COL27A1: variants seen among roughly 807,000 people sequenced by gnomAD.
COL27A1 encodes the protein collagen alpha-1(XXVII) chain.
Under a neutral mutation model 251.3 loss-of-function variants are expected in COL27A1, and 106 were observed. The ratio of observed to expected loss-of-function variants is 0.42; its 90% CI spans 0.36 to 0.50. COL27A1 has a LOEUF of 0.50. Among genes scored for constraint, COL27A1 ranks in the 20% least tolerant of loss-of-function variants. The pLI is 0.00. For missense variants in COL27A1, 2,325 were observed against 2,522.8 expected, an observed-to-expected ratio of 0.92 and a Z score of 1.68; for synonymous variants, 1,000 against 986.3, an observed-to-expected ratio of 1.01 and a Z score of -0.26.
At chr9:114,240,561 T>G (rs1832691056) in intron 21 of COL27A1, 74 bp downstream of exon 21, 2 of 1,432,244 alleles carry the variant, frequency 1.4e-6, no homozygotes, top group Non-Finnish European at 1.9e-6. Flanking sequence ...TCCTGGGTAC[T>G]GAAGGCCTTA....
At chr9:114,275,622 T>C in intron 36 of COL27A1, 39 bp from the exon 37 acceptor site, 1 of 1,387,414 alleles carries the variant, frequency 7.2e-7, no homozygotes, top group Non-Finnish European at 9.9e-7. Context: ...AACTAACTTA[T>C]TCTCTCTCTC....
chr9:114,163,249 G>T (rs922669670), intron 2 of COL27A1, among the ~76,000 whole-genome samples: 4 of 151,732 alleles, frequency 2.6e-5, no homozygotes, highest in African/African-American at 9.7e-5. Flanking sequence ...AAAAAGAATC[G>T]CATTTGAAGT....
chr9:114,159,653 T>C (rs2567724), intron 1 of COL27A1, among the ~76,000 whole-genome samples: 30,127 of 152,184 alleles, frequency 0.2, 3,125 homozygotes, highest in Middle Eastern at 0.3. Context: ...TCCGAGCCTT[T>C]GATATACAGT....
intron 10 of COL27A1, chr9:114,209,428 C>T (rs371100600): frequency 6.1e-5 from 46 of 757,280 alleles, no homozygotes; most frequent in Non-Finnish European, 9.6e-5. Context: ...CGAGCGCCTG[C>T]GCCCTTCCCT....
chr9:114,289,249 C>T lies in COL27A1; in HGVS notation c.4160C>T (p.Pro1387Leu), dbSNP rs774926418. ...TCTCACCTTGGTTTGCAGGGGCATC[C>T]GGGACCCCGGGGGTGGCCGGGACCC... ...KPGQQGQPGH[P>L]GPRGWPGPKG... is the part of the protein sequence containing the mutation. The change falls in exon 45 of 61, where the codon CCG (proline) becomes CTG (leucine). Residue 1387 changes from proline (P) to leucine (L), a missense_variant. Physicochemically the swap from Pro to Leu is moderately conservative, Grantham distance 98. Around this residue, in one of 4 missense-constraint regions of COL27A1, gnomAD observed 662 missense variants for 795.3 expected, o/e 0.83. Transcript: ENST00000356083. 69 of 1,593,714 alleles carry T rather than the reference C, an allele frequency of 4.3e-5. No individual in the cohort carries two copies. The highest frequency in any genetic ancestry group is 5.0e-5 in the Non-Finnish European group (59 of 1,171,336).
At chr9:114,156,042 C>T (rs770427255) in intron 1 of COL27A1, 30 bp downstream of exon 1, 1 of 1,296,708 alleles carries the variant, frequency 7.7e-7, no homozygotes. Flanking sequence ...CGCCCCCTCC[C>T]TAGCTTCCTG....
intron 2 of COL27A1, among the ~76,000 whole-genome samples, chr9:114,166,959 A>G (rs1194408020): frequency 6.6e-6 from 1 of 152,138 alleles, no homozygotes; most frequent in East Asian, 1.9e-4. Context: ...CGGAAATGCC[A>G]TCACCCTTCT....
intron 14 of COL27A1, among the ~76,000 whole-genome samples, chr9:114,223,930 A>G (rs1831287576): frequency 6.6e-6 from 1 of 152,208 alleles, no homozygotes. Flanking sequence ...CACACGTGAT[A>G]TTTTACACCT....
intron 59 of COL27A1, 76 bp downstream of exon 59, chr9:114,307,854 A>T: frequency 1.9e-6 from 2 of 1,046,484 alleles, no homozygotes; most frequent in Non-Finnish European, 1.5e-6. Flanking sequence ...CAACCAACCC[A>T]GGTTCTGTTC....
chr9:114,243,838 T>C (rs975718584), intron 23 of COL27A1, among the ~76,000 whole-genome samples: 1 of 147,254 alleles, frequency 6.8e-6, no homozygotes, highest in African/African-American at 2.5e-5. Context: ...GGGGTGGGGG[T>C]GGTGGAGGAA....
chr9:114,236,686 A>G (rs1728537634), intron 17 of COL27A1, among the ~76,000 whole-genome samples: 1 of 152,128 alleles, frequency 6.6e-6, no homozygotes, highest in African/African-American at 2.4e-5. Flanking sequence ...CTGTCTCCAG[A>G]GTTCCCCAGG....
intron 4 of COL27A1, among the ~76,000 whole-genome samples, chr9:114,180,665 T>C (rs1827832243): frequency 6.6e-6 from 1 of 152,196 alleles, no homozygotes; most frequent in South Asian, 2.1e-4. Flanking sequence ...AAGCTCTCTG[T>C]CTTGCCCCTT....
Position 114,282,471 on chromosome 9 carries a change from T to C in COL27A1, c.3786T>C (p.Tyr1262=), listed in dbSNP as rs2787330. 0.81 allele frequency: 1,294,898 copies of C among 1,600,134 alleles called. 525,790 individuals are homozygous for C. Among genetic ancestry groups the C allele is most frequent in the East Asian group, 1 (44,401 of 44,426 alleles). Residue 1262 remains tyrosine, a synonymous_variant, in exon 39 of 61, where the codon TAT becomes TAC. Coordinates refer to ENST00000356083, the MANE Select transcript of COL27A1 (RefSeq NM_032888.4). ...TCCTGTTGCAGGGTGCCAAGGGCTA[T>C]CAAGGACAGCTGGGTGAGATGGGCG... is the stretch of plus-strand genomic sequence containing the variant. The part of the protein sequence containing the change: ...GRTGAKGAKG[Y]QGQLGEMGVP...
intron 33 of COL27A1, 76 bp downstream of exon 33, chr9:114,266,694 G>C: frequency 7.3e-7 from 1 of 1,375,306 alleles, no homozygotes; most frequent in Non-Finnish European, 1.0e-6. Flanking sequence ...TCCTCCCCAG[G>C]AGCCTCTTTC....
At chr9:114,215,280 A>T (rs530767214) in intron 12 of COL27A1, among the ~76,000 whole-genome samples, 1 of 152,362 alleles carries the variant, frequency 6.6e-6, no homozygotes, top group East Asian at 1.9e-4. Context: ...TTCTCAGATT[A>T]CAGGCAGCAA....
At chr9:114,239,668 G>C (rs1015699825) in intron 19 of COL27A1, among the ~76,000 whole-genome samples, 1 of 152,218 alleles carries the variant, frequency 6.6e-6, no homozygotes, top group East Asian at 1.9e-4. Context: ...GGCCCTCACT[G>C]GGAAGCAGGG....
chr9:114,182,189 T>TAATAATAAA (rs1554792781), intron 4 of COL27A1, among the ~76,000 whole-genome samples: 1 of 139,056 alleles, frequency 7.2e-6, no homozygotes, highest in Non-Finnish European at 1.6e-5. Context: ...ATAATAATAA[T>TAATAATAAA]AAAATAATAA....
chr9:114,171,397 T>C (rs1564424978), intron 3 of COL27A1, among the ~76,000 whole-genome samples: 2 of 152,098 alleles, frequency 1.3e-5, no homozygotes, highest in Non-Finnish European at 2.9e-5. Context: ...TCTGGGGGAC[T>C]GGGGGCTTCA....
At chr9:114,251,661 T>G (rs1040919915) in intron 25 of COL27A1, among the ~76,000 whole-genome samples, 2 of 152,180 alleles carry the variant, frequency 1.3e-5, no homozygotes, top group Admixed American at 6.5e-5. Flanking sequence ...CCATGTCCCT[T>G]CTCACCTACA....
Sources: gnomAD v4.1 joint callset for allele counts (sites outside exome capture counted in the v4.1 genomes callset) on GRCh38, gnomAD v4.1.1 for gene constraint, gnomAD v4.1.1 regional missense constraint, MANE v1.5 for transcripts, NCBI Gene and HGNC (gene_info 2026-07-23, HGNC 2026-07-21) for gene names.